Variants in ENTREP2 observed in about 807,000 individuals in gnomAD.
The protein encoded by ENTREP2 is protein ENTREP2.
the ENTREP2 span, among the ~76,000 whole-genome samples, chr15:29,637,818 A>C: frequency 1.3e-5 from 2 of 152,128 alleles, no homozygotes; most frequent in Non-Finnish European, 2.9e-5. Flanking sequence ...AGAGCGGAGG[A>C]GTCACCAACT....
the ENTREP2 span, among the ~76,000 whole-genome samples, chr15:29,669,951 A>T: frequency 6.6e-6 from 1 of 152,208 alleles, no homozygotes; most frequent in East Asian, 1.9e-4. Context: ...GGCTGTGCTT[A>T]AAAATGACAC....
chr15:29,250,564 A>T, the ENTREP2 span, among the ~76,000 whole-genome samples: 1 of 152,136 alleles, frequency 6.6e-6, no homozygotes. Flanking sequence ...CAGCCCTTCA[A>T]GCTTGGGCAA....
the ENTREP2 span, among the ~76,000 whole-genome samples, chr15:29,473,081 A>G: frequency 6.6e-6 from 1 of 152,184 alleles, no homozygotes; most frequent in African/African-American, 2.4e-5. Flanking sequence ...GCAGCTCACC[A>G]GCACTCACTG....
the ENTREP2 span, among the ~76,000 whole-genome samples, chr15:29,391,863 C>T: frequency 2.6e-5 from 4 of 152,218 alleles, no homozygotes; most frequent in Non-Finnish European, 2.9e-5. Flanking sequence ...CTGGCTCTAT[C>T]GCCCAGGCTG....
the ENTREP2 span, among the ~76,000 whole-genome samples, chr15:29,131,703 G>A: frequency 2.4e-5 from 1 of 41,340 alleles, no homozygotes; most frequent in Non-Finnish European, 4.6e-5. Flanking sequence ...AAGCCTCAAA[G>A]GAGTTCGTGT....
the ENTREP2 span, among the ~76,000 whole-genome samples, chr15:29,665,791 C>T: frequency 6.6e-6 from 1 of 151,088 alleles, no homozygotes; most frequent in Admixed American, 6.6e-5. Context: ...ATGTTCCTGT[C>T]TGCGTTATGC....
the ENTREP2 span, among the ~76,000 whole-genome samples, chr15:29,125,258 G>A: frequency 6.6e-6 from 1 of 152,218 alleles, no homozygotes; most frequent in African/African-American, 2.4e-5. Flanking sequence ...GTGAATGTGA[G>A]CATGGTGGAG....
At chr15:29,655,736 A>C in the ENTREP2 span, among the ~76,000 whole-genome samples, 1 of 152,154 alleles carries the variant, frequency 6.6e-6, no homozygotes, top group Admixed American at 6.5e-5. Flanking sequence ...ACAAAAAAAC[A>C]AAAAACAAAC....
At chr15:29,148,976 A>T in the ENTREP2 span, among the ~76,000 whole-genome samples, 1 of 152,148 alleles carries the variant, frequency 6.6e-6, no homozygotes, top group Non-Finnish European at 1.5e-5. Flanking sequence ...TCCCAGGTTC[A>T]AGCCAATTTC....
At chr15:29,221,309 C>A in the ENTREP2 span, among the ~76,000 whole-genome samples, 51 of 151,970 alleles carry the variant, frequency 3.4e-4, no homozygotes, top group East Asian at 9.9e-3. Flanking sequence ...TCAAGTGATT[C>A]TCCTGCCTCA....
chr15:29,630,533 A>G, the ENTREP2 span, among the ~76,000 whole-genome samples: 1 of 152,080 alleles, frequency 6.6e-6, no homozygotes, highest in Non-Finnish European at 1.5e-5. Flanking sequence ...AAAGTTGGGG[A>G]ATTTTCAGCC....
chr15:29,440,857 C>T, the ENTREP2 span, among the ~76,000 whole-genome samples: 1 of 152,180 alleles, frequency 6.6e-6, no homozygotes, highest in South Asian at 2.1e-4. Context: ...TCAGTCCTCC[C>T]ACCCATGAGC....
At chr15:29,450,199 G>T in the ENTREP2 span, among the ~76,000 whole-genome samples, 38 of 152,258 alleles carry the variant, frequency 2.5e-4, no homozygotes, top group African/African-American at 8.7e-4. Flanking sequence ...CCTGTAGGCT[G>T]CCTGTTTTCT....
chr15:29,507,097 G>T, the ENTREP2 span, among the ~76,000 whole-genome samples: 6 of 151,888 alleles, frequency 4.0e-5, no homozygotes, highest in Admixed American at 3.9e-4. Flanking sequence ...AAAAAGCAGG[G>T]GTTGCAATCC....
chr15:29,225,261 G>A, the ENTREP2 span, among the ~76,000 whole-genome samples: 12 of 152,356 alleles, frequency 7.9e-5, no homozygotes, highest in Admixed American at 2.0e-4. Flanking sequence ...CCGAGGAGGC[G>A]CCCAGAGCCA....
the ENTREP2 span, among the ~76,000 whole-genome samples, chr15:29,436,046 G>C: frequency 6.6e-6 from 1 of 152,144 alleles, no homozygotes; most frequent in Non-Finnish European, 1.5e-5. Flanking sequence ...TAGAACTCAG[G>C]TGTACAAGGA....
At chr15:29,154,286 G>A in the ENTREP2 span, among the ~76,000 whole-genome samples, 1 of 149,178 alleles carries the variant, frequency 6.7e-6, no homozygotes, top group Non-Finnish European at 1.5e-5. Context: ...TTTTTGCCTC[G>A]TGGTGCTAGC....
At chr15:29,175,283 G>C in the ENTREP2 span, among the ~76,000 whole-genome samples, 4 of 152,182 alleles carry the variant, frequency 2.6e-5, no homozygotes, top group Non-Finnish European at 5.9e-5. Flanking sequence ...ACCTCACCGG[G>C]TTCTTGTAAG....
the ENTREP2 span, among the ~76,000 whole-genome samples, chr15:29,444,725 A>C: frequency 2.2e-4 from 34 of 152,104 alleles, no homozygotes; most frequent in Non-Finnish European, 3.7e-4. Flanking sequence ...TCGGCCTCCC[A>C]AAGTGCTGGG....
Sources: gnomAD v4.1 joint callset for allele counts (sites outside exome capture counted in the v4.1 genomes callset) on GRCh38, gnomAD v4.1.1 for gene constraint, MANE v1.5 for transcripts, NCBI Gene and HGNC (gene_info 2026-07-23, HGNC 2026-07-21) for gene names.